The following CSMD3 variants were observed in gnomAD, a reference collection of about 807,000 sequenced individuals.
CSMD3 encodes the protein CUB and sushi domain-containing protein 3.
CSMD3 carries 177 observed loss-of-function variants against 435.2 expected under a neutral mutation model. The observed-to-expected ratio is 0.41, with a 90% CI of 0.36 to 0.46. The LOEUF (loss-of-function observed/expected upper bound fraction) is 0.46. CSMD3 is among the 20% of genes least tolerant of loss of function. CSMD3 has a pLI of 0.34. For synonymous variants in CSMD3, 1,656 were observed against 1,520.5 expected (o/e 1.09, Z -2.07); for missense variants, 4,265 against 4,504.6 (o/e 0.95, Z 1.52).
chr8:112,933,293 C>T (rs139186708), intron 9 of CSMD3, among the ~76,000 whole-genome samples: 10 of 152,012 alleles, frequency 6.6e-5, no homozygotes, highest in African/African-American at 2.4e-4. Flanking sequence ...AAATTAAGCC[C>T]CAAGCGTTCT....
Position 112,745,921 on chromosome 8 carries a change from AT to A in CSMD3, c.1972+54240del, listed in dbSNP as rs981399859. The stretch of plus-strand genomic sequence containing the variant: ...TAAGAACTAAAGAAACATTTTGCTA[AT>A]TTTTTTTCTTAATACAGGTAATTAT... On this transcript the variant is annotated intron_variant, in intron 13 of 70. Coordinates refer to ENST00000297405, the MANE Select transcript of CSMD3 (RefSeq NM_198123.2). Among the ~76,000 whole-genome samples, 5 of 151,722 alleles carry A rather than the reference AT, an allele frequency of 3.3e-5. No individual in the cohort carries two copies. The East Asian group carries it at 9.6e-4, about 29-fold the overall frequency.
At chr8:113,205,132 C>T (rs191054538) in intron 3 of CSMD3, among the ~76,000 whole-genome samples, 48 of 152,094 alleles carry the variant, frequency 3.2e-4, no homozygotes, top group Middle Eastern at 3.4e-3. Flanking sequence ...TACATACACC[C>T]GTCACCCTGC....
intron 12 of CSMD3, among the ~76,000 whole-genome samples, chr8:112,814,120 AT>A (rs2079305840): frequency 6.6e-6 from 1 of 152,198 alleles, no homozygotes; most frequent in South Asian, 2.1e-4. Flanking sequence ...TTTATATATC[AT>A]CTTGAGGTTA....
chr8:112,289,073 C>T (rs139599989), intron 57 of CSMD3, among the ~76,000 whole-genome samples: 126 of 152,070 alleles, frequency 8.3e-4, no homozygotes, highest in African/African-American at 2.8e-3. Flanking sequence ...ACCATTTTAA[C>T]GAACAAAAGC....
chr8:112,300,359 C>T (rs1421386994), intron 53 of CSMD3, among the ~76,000 whole-genome samples: 1 of 150,408 alleles, frequency 6.6e-6, no homozygotes, highest in Non-Finnish European at 1.5e-5. Flanking sequence ...ACTAAGTAAT[C>T]TGTAATTGAA....
At chr8:113,116,855 T>C (rs2090846282) in intron 4 of CSMD3, among the ~76,000 whole-genome samples, 1 of 152,134 alleles carries the variant, frequency 6.6e-6, no homozygotes, top group African/African-American at 2.4e-5. Context: ...AGGTCACTCT[T>C]GCTATGCAAA....
intron 6 of CSMD3, among the ~76,000 whole-genome samples, chr8:112,992,318 G>A (rs1469492392): frequency 4.0e-5 from 6 of 150,932 alleles, no homozygotes; most frequent in African/African-American, 1.5e-4. Context: ...ATTCCTCTGG[G>A]TGCCAAAATG....
chr8:112,969,575 T>C (rs886362676), intron 7 of CSMD3, among the ~76,000 whole-genome samples: 3 of 152,002 alleles, frequency 2.0e-5, no homozygotes, highest in Non-Finnish European at 2.9e-5. Flanking sequence ...ACAGTAGTAA[T>C]GTCTATAAAA....
intron 4 of CSMD3, among the ~76,000 whole-genome samples, chr8:113,162,442 G>A (rs2131838998): frequency 6.6e-6 from 1 of 151,956 alleles, no homozygotes; most frequent in South Asian, 2.1e-4. Flanking sequence ...GCAGGCACCT[G>A]TAATCCCAGC....
At chr8:112,826,334 C>T (rs545150376) in intron 12 of CSMD3, among the ~76,000 whole-genome samples, 4 of 152,292 alleles carry the variant, frequency 2.6e-5, no homozygotes, top group African/African-American at 9.6e-5. Flanking sequence ...AGACAACAGG[C>T]AGCCACAGCT....
At chr8:112,904,726 T>A (rs555725878) in intron 10 of CSMD3, among the ~76,000 whole-genome samples, 1 of 151,510 alleles carries the variant, frequency 6.6e-6, no homozygotes, top group South Asian at 2.1e-4. Context: ...AGCCTCAACT[T>A]ACTGGCCAGG....
At chr8:112,525,725 A>G (rs1286123124) in intron 27 of CSMD3, among the ~76,000 whole-genome samples, 2 of 145,000 alleles carry the variant, frequency 1.4e-5, no homozygotes, top group African/African-American at 5.0e-5. Flanking sequence ...CGTCCTCCCA[A>G]AAAAACCCCA....
At chr8:112,324,368 A>G (rs902567305) in intron 45 of CSMD3, among the ~76,000 whole-genome samples, 9 of 152,078 alleles carry the variant, frequency 5.9e-5, no homozygotes, top group Non-Finnish European at 1.0e-4. Flanking sequence ...TTGTATTTGC[A>G]TTTCCTACAA....
chr8:113,033,646 T>C (rs548663890), intron 5 of CSMD3, among the ~76,000 whole-genome samples: 1 of 150,948 alleles, frequency 6.6e-6, no homozygotes, highest in African/African-American at 2.4e-5. Flanking sequence ...GGACTTGCCA[T>C]GTCTCAGATG....
intron 23 of CSMD3, among the ~76,000 whole-genome samples, chr8:112,579,472 T>C (rs946553491): frequency 6.6e-6 from 1 of 152,002 alleles, no homozygotes; most frequent in African/African-American, 2.4e-5. Flanking sequence ...TATACATAAA[T>C]AACCTCAAAA....
At chr8:112,370,916 A>G (rs1467091340) in intron 38 of CSMD3, among the ~76,000 whole-genome samples, 1 of 152,226 alleles carries the variant, frequency 6.6e-6, no homozygotes, top group Non-Finnish European at 1.5e-5. Context: ...TGTTGAATGA[A>G]TGAAGATATA....
Position 112,304,797 on chromosome 8 carries a change from A to C in CSMD3, c.8190T>G (p.His2730Gln), listed in dbSNP as rs34070127. The change falls in exon 52 of 71, where the codon CAT becomes CAG. Residue 2730 changes from histidine to glutamine, a missense_variant. Coordinates refer to ENST00000297405, the MANE Select transcript of CSMD3 (RefSeq NM_198123.2). ...KVVFSCDPGY[H>Q]GLGPASIECL... The stretch of plus-strand genomic sequence containing the variant: ...ATTCGATGGAGGCAGGACCTAGTCC[A>C]TGATAACCAGGGTCACAGCTGAAAA... 1,015 of 1,613,934 alleles carry C rather than the reference A, an allele frequency of 6.3e-4. 5 individuals are homozygous for C. The African/African-American group carries it at 0.013, about 20-fold the overall frequency.
chr8:112,976,208 C>T, intron 6 of CSMD3, 60 bp from the exon 7 acceptor site: 1 of 1,568,614 alleles, frequency 6.4e-7, no homozygotes, highest in Non-Finnish European at 8.7e-7. Context: ...TTTATTTTTT[C>T]TGATAAATTT....
rs1254549504 is a variant in CSMD3 at position 112,911,466 on chromosome 8, G to A, written c.1633+10161C>T. Among the ~76,000 whole-genome samples the A allele has an allele frequency of 3.3e-5, 5 of 151,712 alleles. No individual in the cohort carries two copies. The East Asian group carries it at 5.8e-4, about 18-fold the overall frequency. On this transcript the variant is annotated intron_variant, in intron 10 of 70. Transcript: ENST00000297405. The stretch of plus-strand genomic sequence containing the variant: ...TATTATTACTAGTTATAGTCATCAG[G>A]CTCAACTTTTTAGATTCCACATGTA...
Sources: allele counts gnomAD v4.1 joint callset (sites outside exome capture counted in the v4.1 genomes callset), GRCh38; gene constraint gnomAD v4.1.1; transcripts MANE v1.5; gene names NCBI Gene and HGNC (gene_info 2026-07-23, HGNC 2026-07-21).